Variants in ROR2 observed in about 807,000 individuals in gnomAD.
ROR2 encodes ROR family WNT receptor 2.
In ROR2, 33 loss-of-function variants were observed where a neutral mutation model predicts 74.9. The observed-to-expected ratio is 0.44, with a 90% CI of 0.33 to 0.59. The LOEUF is 0.59. Ranked by LOEUF, ROR2 falls within the 20% of genes least tolerant of loss-of-function variation. The pLI, the probability that ROR2 is intolerant of heterozygous loss-of-function variation, is 0.02. For synonymous variants in ROR2, 586 were observed against 558.7 expected (o/e 1.05, Z -0.69); for missense variants, 1,216 against 1,313.8 (o/e 0.93, Z 1.15).
chr9:91,751,589 G>A (rs1825596994), intron 4 of ROR2, among the ~76,000 whole-genome samples: 1 of 152,132 alleles, frequency 6.6e-6, no homozygotes, highest in South Asian at 2.1e-4. Flanking sequence ...ATTAAAAATA[G>A]AGAACTAATA....
chr9:91,857,158 G>A (rs1200686742), intron 1 of ROR2, among the ~76,000 whole-genome samples: 3 of 152,216 alleles, frequency 2.0e-5, no homozygotes, highest in African/African-American at 4.8e-5. Flanking sequence ...AGTGACCATC[G>A]GGGAGGCCAC....
At chr9:91,790,685 G>C (rs1826941513) in intron 1 of ROR2, among the ~76,000 whole-genome samples, 1 of 152,134 alleles carries the variant, frequency 6.6e-6, no homozygotes, top group Non-Finnish European at 1.5e-5. Flanking sequence ...AGGTCCCTCA[G>C]GAGGTATCCA....
intron 1 of ROR2, among the ~76,000 whole-genome samples, chr9:91,802,005 G>A (rs555528955): frequency 6.5e-4 from 99 of 151,964 alleles, no homozygotes; most frequent in Admixed American, 2.2e-3. Flanking sequence ...ACTGACAGCC[G>A]AGCCCAAGCC....
chr9:91,740,564 G>A (rs980297579), intron 4 of ROR2, among the ~76,000 whole-genome samples: 1 of 141,584 alleles, frequency 7.1e-6, no homozygotes, highest in African/African-American at 3.0e-5. Context: ...GCGGGGGGGG[G>A]AATATATATA....
chr9:91,840,198 C>T (rs962953738), intron 1 of ROR2, among the ~76,000 whole-genome samples: 4 of 152,146 alleles, frequency 2.6e-5, no homozygotes, highest in East Asian at 1.9e-4. Context: ...CGGAGGGACC[C>T]GGGAGAGCAA....
Position 91,823,392 on chromosome 9 carries a change from T to C in ROR2, c.98-47574A>G, listed in dbSNP as rs1384440390. On this transcript the variant is annotated intron_variant, in intron 1 of 8. Coordinates refer to ENST00000375708, the MANE Select transcript of ROR2 (RefSeq NM_004560.4). ...CTCTCTCGCCCAGGCTGGAGTGACA[T>C]GATCTCGGCCCACTGCAACCTCCAC... Among the ~76,000 whole-genome samples, 2 of 150,554 alleles carry C rather than the reference T, an allele frequency of 1.3e-5. 1 individual carries two copies. The highest frequency in any genetic ancestry group is 4.2e-4 in the South Asian group (2 of 4,812).
chr9:91,770,857 G>A (rs200770172), intron 2 of ROR2, among the ~76,000 whole-genome samples: 1 of 152,206 alleles, frequency 6.6e-6, no homozygotes, highest in East Asian at 1.9e-4. Context: ...AGGCACGCAT[G>A]CCAGGAGTTC....
At chr9:91,774,006 C>A (rs1036434691) in intron 2 of ROR2, among the ~76,000 whole-genome samples, 1 of 152,358 alleles carries the variant, frequency 6.6e-6, no homozygotes, top group South Asian at 2.1e-4. Flanking sequence ...TCAGCCAACA[C>A]GTCCTAGGAT....
At chr9:91,863,052 TA>T (rs1829518303) in intron 1 of ROR2, among the ~76,000 whole-genome samples, 1 of 152,156 alleles carries the variant, frequency 6.6e-6, no homozygotes, top group Non-Finnish European at 1.5e-5. Flanking sequence ...TCGCTTATAA[TA>T]AAAAAGACAC....
intron 3 of ROR2, among the ~76,000 whole-genome samples, chr9:91,756,845 G>A (rs1329617412): frequency 2.0e-5 from 3 of 147,930 alleles, no homozygotes; most frequent in Non-Finnish European, 4.4e-5. Flanking sequence ...CCACCTCCCA[G>A]GTTCAAGCGA....
intron 1 of ROR2, among the ~76,000 whole-genome samples, chr9:91,929,177 C>G (rs1433303393): frequency 1.3e-5 from 2 of 152,210 alleles, no homozygotes; most frequent in Admixed American, 6.5e-5. Flanking sequence ...GCGCTATGAT[C>G]AAATATGTTT....
At chr9:91,775,939 G>T in intron 1 of ROR2, 121 bp from the exon 2 acceptor site, 1 of 788,218 alleles carries the variant, frequency 1.3e-6, no homozygotes, top group Non-Finnish European at 2.2e-6. Context: ...AGAAAACACA[G>T]AGGGATAAGA....
chr9:91,894,236 G>A (rs1359566047), intron 1 of ROR2, among the ~76,000 whole-genome samples: 1 of 152,152 alleles, frequency 6.6e-6, no homozygotes, highest in African/African-American at 2.4e-5. Flanking sequence ...CCTCTACCAA[G>A]AAGTCTCTTC....
intron 1 of ROR2, among the ~76,000 whole-genome samples, chr9:91,909,479 T>C (rs1187928726): frequency 1.3e-5 from 2 of 151,532 alleles, no homozygotes; most frequent in East Asian, 3.9e-4. Context: ...CCCGAGTAGC[T>C]GGCACCACAG....
chr9:91,935,225 C>G (rs1165858621), intron 1 of ROR2, among the ~76,000 whole-genome samples: 1 of 152,222 alleles, frequency 6.6e-6, no homozygotes, highest in East Asian at 1.9e-4. Flanking sequence ...CATGACTTGG[C>G]TGCCACACAC....
chr9:91,882,262 T>C (rs2119367890), intron 1 of ROR2, among the ~76,000 whole-genome samples: 1 of 151,796 alleles, frequency 6.6e-6, no homozygotes, highest in Non-Finnish European at 1.5e-5. Context: ...ATACAAAAAA[T>C]TACCCAGGCA....
intron 4 of ROR2, among the ~76,000 whole-genome samples, chr9:91,753,343 C>T (rs1825647156): frequency 1.3e-5 from 2 of 152,202 alleles, no homozygotes; most frequent in Admixed American, 1.3e-4. Context: ...TGTGTGTCCA[C>T]ATGCTCAGCC....
intron 5 of ROR2, among the ~76,000 whole-genome samples, chr9:91,735,606 C>CTTTTTTTTTTTTTTTTTTTT (rs35146225): frequency 4.1e-4 from 32 of 79,006 alleles, no homozygotes; most frequent in East Asian, 2.5e-3. Flanking sequence ...AGGGCTCTAA[C>CTTTTTTTTTTTTTTTTTTTT]TTTTTTTTTT....
chr9:91,733,064 T>C lies in ROR2; in HGVS notation c.937+58A>G. The stretch of plus-strand genomic sequence containing the variant: ...CTTCACCGACACCCCCATACACATT[T>C]CAAGGGCCCTACACTCCCTGCGCCC... On this transcript the variant is annotated intron_variant, in intron 6 of 8. Coordinates refer to ENST00000375708, the MANE Select transcript of ROR2 (RefSeq NM_004560.4). The surrounding 1 kb of genome is among the most constrained non-coding windows in gnomAD (Gnocchi z 5.7). The C allele has an allele frequency of 6.7e-7, 1 of 1,492,858 alleles. No homozygotes were observed. The allele number at this position is 1,492,858 out of a possible 1,614,324, so 92.5% of individuals were successfully genotyped here.
Sources: gnomAD v4.1 joint callset for allele counts (sites outside exome capture counted in the v4.1 genomes callset) on GRCh38, gnomAD v4.1.1 for gene constraint, Gnocchi (gnomAD v3.1) non-coding constraint, MANE v1.5 for transcripts, NCBI Gene and HGNC (gene_info 2026-07-23, HGNC 2026-07-21) for gene names.